The following INVS variants were observed in gnomAD, a reference collection of about 807,000 sequenced individuals.
INVS encodes the protein inversion of embryo turning homolog.
INVS carries 86 observed loss-of-function variants against 108.8 expected under a neutral mutation model. The ratio of observed to expected loss-of-function variants is 0.79; its 90% CI spans 0.66 to 0.95. INVS has a LOEUF of 0.95. Among genes scored for constraint, INVS ranks in the 40% least tolerant of loss-of-function variants. The pLI is 0.00. For missense variants in INVS, 1,169 were observed against 1,297.4 expected (o/e 0.90, Z 1.52); for synonymous variants, 455 against 473.5 (o/e 0.96, Z 0.51).
chr9:100,149,210 C>T (rs1478578305), intron 3 of INVS, among the ~76,000 whole-genome samples: 14 of 152,116 alleles, frequency 9.2e-5, no homozygotes, highest in Non-Finnish European at 1.3e-4. Flanking sequence ...AGCTATGTAG[C>T]GAATGGGTAT....
At chr9:100,254,851 G>T (rs966823747) in intron 10 of INVS, among the ~76,000 whole-genome samples, 1 of 152,202 alleles carries the variant, frequency 6.6e-6, no homozygotes, top group Non-Finnish European at 1.5e-5. Flanking sequence ...CAGGTAGCGT[G>T]ATGCTTCCAG....
intron 3 of INVS, among the ~76,000 whole-genome samples, chr9:100,171,226 T>C (rs1240106165): frequency 3.9e-5 from 6 of 152,326 alleles, no homozygotes; most frequent in Admixed American, 3.9e-4. Flanking sequence ...TTATCTTTCA[T>C]AGAATATTTT....
intron 7 of INVS, among the ~76,000 whole-genome samples, chr9:100,244,841 A>T (rs1831995134): frequency 6.6e-6 from 1 of 152,178 alleles, no homozygotes; most frequent in Admixed American, 6.5e-5. Context: ...CAAAGCAAAA[A>T]ATCACAAACT....
intron 13 of INVS, among the ~76,000 whole-genome samples, chr9:100,287,757 T>A (rs1256310318): frequency 1.3e-5 from 2 of 152,240 alleles, no homozygotes; most frequent in Non-Finnish European, 2.9e-5. Context: ...TGTGGAACTG[T>A]GAGTCGATTA....
At chr9:100,256,894 G>T (rs1832438290) in intron 10 of INVS, among the ~76,000 whole-genome samples, 1 of 152,154 alleles carries the variant, frequency 6.6e-6, no homozygotes. Flanking sequence ...TGTTGATTTG[G>T]GGTGGAGAGT....
chr9:100,209,338 T>G (rs1484578073), intron 3 of INVS, among the ~76,000 whole-genome samples: 2 of 152,216 alleles, frequency 1.3e-5, no homozygotes, highest in Non-Finnish European at 2.9e-5. Context: ...GACATTAAGC[T>G]GGGTGGGCTT....
chr9:100,284,894 C>G (rs1212855329), intron 13 of INVS, among the ~76,000 whole-genome samples: 1 of 152,016 alleles, frequency 6.6e-6, no homozygotes, highest in Non-Finnish European at 1.5e-5. Context: ...TTCACTTTGT[C>G]CACTTTTACG....
At chr9:100,100,888 A>T (rs1202797124) in intron 1 of INVS, among the ~76,000 whole-genome samples, 1 of 45,854 alleles carries the variant, frequency 2.2e-5, no homozygotes, top group Non-Finnish European at 3.5e-5. Flanking sequence ...TGTATATATA[A>T]TATATATTAT....
chr9:100,246,136 G>A (rs1311578840), intron 7 of INVS, among the ~76,000 whole-genome samples: 2 of 145,528 alleles, frequency 1.4e-5, no homozygotes, highest in African/African-American at 5.3e-5. Context: ...CTGGGCAACA[G>A]AGTAAGACTC....
chr9:100,161,363 T>TC (rs1829172089), intron 3 of INVS, among the ~76,000 whole-genome samples: 1 of 26,200 alleles, frequency 3.8e-5, no homozygotes. Flanking sequence ...GACTTCCATC[T>TC]CAAAAAAAAA....
At chr9:100,290,427 G>A (rs533268663) in intron 13 of INVS, among the ~76,000 whole-genome samples, 77 of 151,484 alleles carry the variant, frequency 5.1e-4, no homozygotes, top group Middle Eastern at 3.5e-3. Flanking sequence ...TTGGCTCACC[G>A]CAACCTCTGC....
intron 8 of INVS, among the ~76,000 whole-genome samples, chr9:100,250,883 C>A (rs148099092): frequency 1.3e-5 from 2 of 152,196 alleles, no homozygotes; most frequent in Non-Finnish European, 2.9e-5. Flanking sequence ...TGTGATCTGG[C>A]CTTTTCTATG....
chr9:100,224,990 G>T (rs1831266512), intron 3 of INVS, among the ~76,000 whole-genome samples: 1 of 151,934 alleles, frequency 6.6e-6, no homozygotes, highest in Admixed American at 6.6e-5. Context: ...CTGCAAGTGG[G>T]TGGGCCTACC....
At chr9:100,123,035 C>T (rs1003815396) in intron 2 of INVS, among the ~76,000 whole-genome samples, 2 of 151,918 alleles carry the variant, frequency 1.3e-5, no homozygotes, top group South Asian at 2.1e-4. Flanking sequence ...TCCTCCTTTC[C>T]GTTTCTTGAA....
At chr9:100,100,586 TATAATATATGTAC>T in intron 1 of INVS, among the ~76,000 whole-genome samples, 1 of 97,860 alleles carries the variant, frequency 1.0e-5, no homozygotes, top group African/African-American at 4.2e-5. Context: ...ATATAATATA[TATAATATATGTAC>T]ATATAATATA....
chr9:100,297,859 C>A (rs1215606989), intron 15 of INVS, 77 bp from the exon 16 acceptor site: 1 of 1,435,786 alleles, frequency 7.0e-7, no homozygotes, highest in Non-Finnish European at 9.8e-7. Flanking sequence ...GCCTTTACCA[C>A]AATAAGGAAT....
intron 3 of INVS, among the ~76,000 whole-genome samples, chr9:100,203,369 C>G (rs1318723503): frequency 1.3e-5 from 2 of 151,986 alleles, no homozygotes; most frequent in Non-Finnish European, 2.9e-5. Flanking sequence ...TCTTTGTGAA[C>G]ATTTTTTTCT....
At chr9:100,106,911 A>G (rs1013615385) in intron 2 of INVS, among the ~76,000 whole-genome samples, 2 of 151,788 alleles carry the variant, frequency 1.3e-5, no homozygotes, top group Non-Finnish European at 2.9e-5. Flanking sequence ...CCTGGATGGT[A>G]TCATGCCCAG....
At chr9:100,232,834 C>T (rs1284255921) in intron 5 of INVS, among the ~76,000 whole-genome samples, 2 of 152,050 alleles carry the variant, frequency 1.3e-5, no homozygotes, top group Admixed American at 6.6e-5. Context: ...CTTGGCTATA[C>T]AGGCTCTTTT....
Sources: gnomAD v4.1 joint callset for allele counts (sites outside exome capture counted in the v4.1 genomes callset) on GRCh38, gnomAD v4.1.1 for gene constraint, MANE v1.5 for transcripts, NCBI Gene and HGNC (gene_info 2026-07-23, HGNC 2026-07-21) for gene names.